Variants in MIA3 observed in about 807,000 individuals in gnomAD.
The protein encoded by MIA3 is MIA SH3 domain ER export factor 3, also known as transport and Golgi organization protein 1 homolog.
Under a neutral mutation model 192.4 loss-of-function variants are expected in MIA3, and 90 were observed. The ratio of observed to expected loss-of-function variants is 0.47; its 90% CI spans 0.39 to 0.56. The LOEUF is 0.56. Among genes scored for constraint, MIA3 ranks in the 20% least tolerant of loss-of-function variants. The pLI is 0.00. For synonymous variants in MIA3, 740 were observed against 792.8 expected (o/e 0.93, Z 1.12); for missense variants, 2,123 against 2,269.4 (o/e 0.94, Z 1.31).
chr1:222,631,136 T>C (rs1029095733), intron 4 of MIA3, among the ~76,000 whole-genome samples: 3 of 147,780 alleles, frequency 2.0e-5, no homozygotes, highest in African/African-American at 7.4e-5. Context: ...TTTTTTTTTT[T>C]CTTAAGACAG....
Position 222,644,210 on chromosome 1 carries a change from C to G in MIA3, c.3478-1344C>G, listed in dbSNP as rs906097401. On this transcript the variant is annotated intron_variant, in intron 6 of 27. Coordinates refer to ENST00000344922, the MANE Select transcript of MIA3 (RefSeq NM_198551.4). ...TCTAGCCCTATTCGCTCTTCTCTCC[C>G]GTCCCCTCGATAGTTGGTTCCGTCC... The G allele has an allele frequency of 2.3e-5, 24 of 1,051,854 alleles. No individual in the cohort carries two copies. The Admixed American group carries it at 2.6e-4, about 12-fold the overall frequency. 65.2% of individuals were successfully genotyped at this position (1,051,854 alleles called of 1,614,324 possible).
At chr1:222,642,444 T>C (rs1294444673) in intron 6 of MIA3, among the ~76,000 whole-genome samples, 15 of 152,166 alleles carry the variant, frequency 9.9e-5, no homozygotes, top group Admixed American at 9.8e-4. Flanking sequence ...GTATTTAATA[T>C]GTCTTTCATT....
chr1:222,634,581 G>C (rs757893380), intron 6 of MIA3, among the ~76,000 whole-genome samples: 3 of 152,118 alleles, frequency 2.0e-5, no homozygotes, highest in Non-Finnish European at 4.4e-5. Context: ...AGCTTATCTA[G>C]GCTTTTTAGG....
chr1:222,641,890 AAATC>A (rs1377764246), intron 6 of MIA3: 36 of 458,290 alleles, frequency 7.9e-5, no homozygotes, highest in Non-Finnish European at 4.4e-6. Flanking sequence ...AAACTGGAAA[AAATC>A]AAATATCTAT....
Position 222,633,251 on chromosome 1 carries a change from T to G in MIA3, c.3477+2T>G. 8 of 1,597,168 alleles carry G rather than the reference T, an allele frequency of 5.0e-6. No homozygotes were observed. Among genetic ancestry groups the G allele is most frequent in the Non-Finnish European group, 6.0e-6 (7 of 1,172,160 alleles). ...TTCATGTTTTATTTAACTAAGTCGG[T>G]AAGTTTAACATAGTTTTTTTTTAAC... On this transcript the variant is annotated splice_donor_variant, in intron 6 of 27. Transcript: ENST00000344922. LOFTEE classifies it high-confidence loss of function.
At chr1:222,632,514 A>AT (rs1236696420) in intron 5 of MIA3, among the ~76,000 whole-genome samples, 188 bp downstream of exon 5, 2 of 152,258 alleles carry the variant, frequency 1.3e-5, no homozygotes, top group Non-Finnish European at 2.9e-5. Context: ...ACCAGAGACT[A>AT]TAACTAACCT....
chr1:222,629,071 A>G lies in MIA3; in HGVS notation c.1851A>G (p.Glu617=). 1 of 1,614,142 alleles carries G rather than the reference A, an allele frequency of 6.2e-7. No homozygotes were observed. The highest frequency in any genetic ancestry group is 8.5e-7 in the Non-Finnish European group (1 of 1,179,960). ...HTLSVEHQRE[E]LKEELVLKTQ... is the part of the protein sequence containing the mutation. ...TTTCAGTGGAGCATCAACGTGAGGA[A>G]TTGAAAGAGGAATTAGTTCTTAAAA... The change falls in exon 4 of 28, where the codon GAA becomes GAG. Residue 617 remains glutamate, a synonymous_variant. Coordinates refer to ENST00000344922, the MANE Select transcript of MIA3 (RefSeq NM_198551.4).
chr1:222,624,927 A>C, intron 3 of MIA3, 73 bp downstream of exon 3: 1 of 712,112 alleles, frequency 1.4e-6, no homozygotes, highest in Non-Finnish European at 2.4e-6. Context: ...AAAAAGAAAA[A>C]TTTCAAAAGA....
chr1:222,618,266 T>C (rs1661696083), intron 1 of MIA3, 23 bp downstream of exon 1: 3 of 1,380,458 alleles, frequency 2.2e-6, no homozygotes, highest in African/African-American at 3.0e-5. Context: ...GAGGGGCGGC[T>C]GGCCTCGGGG....
chr1:222,664,100 C>A lies in MIA3; in HGVS notation c.5365C>A (p.Pro1789Thr). Residue 1789 changes from proline to threonine, a missense_variant, in exon 27 of 28, where the codon CCT becomes ACT. By Grantham distance (38) the Pro-to-Thr change is conservative. This residue lies in a region of MIA3 where 762 missense variants were observed against 856.4 expected (regional missense o/e 0.89). Coordinates refer to ENST00000344922, the MANE Select transcript of MIA3 (RefSeq NM_198551.4). ...VPPPIRYGPP[P>T]QLCGPFGPRP... The stretch of plus-strand genomic sequence containing the variant: ...ACCACCCATTCGATATGGACCACCA[C>A]CTCAGCTCTGCGGACCTTTTGGGCC... 6.2e-7 allele frequency: 1 copy of A among 1,614,214 alleles called. No individual in the cohort carries two copies. Among genetic ancestry groups the A allele is most frequent in the Non-Finnish European group, 8.5e-7 (1 of 1,180,034 alleles).
intron 5 of MIA3, 79 bp from the exon 6 acceptor site, chr1:222,633,025 A>C: frequency 2.1e-6 from 3 of 1,399,086 alleles, no homozygotes; most frequent in Non-Finnish European, 2.9e-6. Flanking sequence ...CCTAATATTT[A>C]GTGGATACTC....
chr1:222,637,422 T>G (rs77932420), intron 6 of MIA3, among the ~76,000 whole-genome samples: 24,561 of 152,154 alleles, frequency 0.16, 3,569 homozygotes, highest in African/African-American at 0.39. Flanking sequence ...CTCCTTCATT[T>G]AAAGGCTGGG....
chr1:222,650,552 G>T (rs1328610629), intron 9 of MIA3, 82 bp from the exon 10 acceptor site: 2 of 1,019,104 alleles, frequency 2.0e-6, no homozygotes, highest in Non-Finnish European at 3.0e-6. Flanking sequence ...GTTTTCTTCT[G>T]TAAGAGGTCA....
In MIA3 at chr1:222,627,794, G is replaced by T; in HGVS notation, c.574G>T (p.Val192Leu). 9 of 1,613,916 alleles carry T rather than the reference G, an allele frequency of 5.6e-6. No homozygotes were observed. Among genetic ancestry groups the T allele is most frequent in the Non-Finnish European group, 7.6e-6 (9 of 1,179,968 alleles). ...AGCCAACTCAGAGGAAAGTGATAGT[G>T]TATTCTCAGAAAACACTGAGGATCT... ...VEANSEESDSVFSENTEDLQE... is the reference protein window; with the variant it reads ...VEANSEESDSLFSENTEDLQE... Residue 192 changes from valine (V) to leucine (L), a missense_variant, in exon 4 of 28, where the codon GTA becomes TTA. This residue lies in a region of MIA3 where 1,357 missense variants were observed against 1,396.1 expected (regional missense o/e 0.97). Transcript: ENST00000344922.
At chr1:222,663,860 GT>G (rs1292669505) in intron 26 of MIA3, 137 bp from the exon 27 acceptor site, 1 of 771,998 alleles carries the variant, frequency 1.3e-6, no homozygotes, top group African/African-American at 1.7e-5. Flanking sequence ...AATGAGAGGG[GT>G]AGAGTTTTTT....
chr1:222,655,215 G>A (rs1016243392), intron 18 of MIA3, among the ~76,000 whole-genome samples: 8 of 152,236 alleles, frequency 5.3e-5, no homozygotes, highest in Admixed American at 1.3e-4. Flanking sequence ...TTTACTTATT[G>A]AAGGTACATT....
chr1:222,632,110 C>T, intron 4 of MIA3, 55 bp from the exon 5 acceptor site: 1 of 1,559,772 alleles, frequency 6.4e-7, no homozygotes, highest in African/African-American at 1.4e-5. Flanking sequence ...GTGGGATTAG[C>T]CTAACAGGTA....
intron 26 of MIA3, chr1:222,662,556 C>T: frequency 4.0e-6 from 5 of 1,262,144 alleles, no homozygotes; most frequent in Non-Finnish European, 5.1e-6. Context: ...GTGGACTGAA[C>T]TGGGCTATAA....
At chr1:222,645,787 T>A in intron 7 of MIA3, 102 bp downstream of exon 7, 3 of 1,020,548 alleles carry the variant, frequency 2.9e-6, no homozygotes, top group Non-Finnish European at 4.2e-6. Flanking sequence ...CAGAAATTAA[T>A]GCTTTTAATT....
Sources: allele counts gnomAD v4.1 joint callset (sites outside exome capture counted in the v4.1 genomes callset), GRCh38; gene constraint gnomAD v4.1.1; regional missense constraint gnomAD v4.1.1; transcripts MANE v1.5; gene names NCBI Gene and HGNC (gene_info 2026-07-23, HGNC 2026-07-21).